Variants in DLG3 observed in about 807,000 individuals in gnomAD.
DLG3 encodes disks large homolog 3.
A neutral mutation model predicts 64.1 loss-of-function variants in DLG3; 1 was observed. The observed-to-expected ratio is 0.02, with a 90% CI of 0.01 to 0.07. DLG3 has a LOEUF of 0.07. Among genes scored for constraint, DLG3 ranks in the 10% least tolerant of loss-of-function variants. The pLI is 1.00. For synonymous variants in DLG3, 245 were observed against 259.8 expected, an observed-to-expected ratio of 0.94 and a Z score of 0.55; for missense variants, 429 against 669.5, an observed-to-expected ratio of 0.64 and a Z score of 3.96.
At position 70,499,980 on chromosome X, in the gene DLG3, C is replaced by T. The variant is rs535820581; in HGVS notation, c.2076C>T (p.Ile692=). ...MEKDIQDNKF[I]EAGQFNDNLY... is the part of the protein sequence containing the mutation. ...AAGATATTCAGGACAACAAGTTCAT[C>T]GAGGCGGGCCAATTTAATGATAACC... The change falls in exon 16 of 19, where the codon ATC becomes ATT. Residue 692 remains isoleucine, a synonymous_variant. Transcript: ENST00000374360. 6.1e-4 allele frequency: 742 copies of T among 1,208,863 alleles called. 8 individuals are homozygous for T. The South Asian group carries it at 0.012, about 20-fold the overall frequency.
chrX:70,494,468 T>A (rs1259677293), intron 12 of DLG3, among the ~76,000 whole-genome samples: 1 of 111,932 alleles, frequency 8.9e-6, no homozygotes, highest in Non-Finnish European at 1.9e-5. Flanking sequence ...AGTCATGGTA[T>A]GTGTAAGTCA....
At chrX:70,474,486 G>A (rs1323204869) in intron 9 of DLG3, among the ~76,000 whole-genome samples, 3 of 110,436 alleles carry the variant, frequency 2.7e-5, no homozygotes, top group Non-Finnish European at 5.7e-5. Context: ...AGGGGGTGTC[G>A]TTTACAGTAA....
chrX:70,494,500 G>C (rs891380372), intron 12 of DLG3, among the ~76,000 whole-genome samples: 1 of 111,960 alleles, frequency 8.9e-6, no homozygotes, highest in African/African-American at 3.3e-5. Context: ...GGTGGTACCT[G>C]GTGGACAGAA....
intron 9 of DLG3, among the ~76,000 whole-genome samples, chrX:70,476,514 T>C (rs934673754): frequency 8.9e-6 from 1 of 112,209 alleles, no homozygotes; most frequent in Non-Finnish European, 1.9e-5. Flanking sequence ...GATGAGGTAG[T>C]ATCTAAGTCT....
intron 10 of DLG3, among the ~76,000 whole-genome samples, chrX:70,481,441 A>G (rs982128641): frequency 1.8e-5 from 2 of 112,347 alleles, no homozygotes; most frequent in Admixed American, 9.4e-5. Flanking sequence ...AGGCTTAAAC[A>G]GAGGAAAATG....
At chrX:70,482,255 C>T (rs959451430) in intron 10 of DLG3, among the ~76,000 whole-genome samples, 3 of 112,311 alleles carry the variant, frequency 2.7e-5, no homozygotes, top group African/African-American at 9.7e-5. Context: ...CTGGGTATTG[C>T]AGAGGGGGTT....
At chrX:70,496,484 A>G (rs2087457323) in intron 13 of DLG3, among the ~76,000 whole-genome samples, 1 of 112,509 alleles carries the variant, frequency 8.9e-6, no homozygotes. Flanking sequence ...TTCCCTCACC[A>G]CTAAGAGATG....
chrX:70,487,077 C>T (rs761485114), intron 10 of DLG3, among the ~76,000 whole-genome samples: 3 of 112,159 alleles, frequency 2.7e-5, no homozygotes, highest in African/African-American at 6.5e-5. Context: ...TTTGGTTACA[C>T]GAAATATATC....
chrX:70,472,135 C>G (rs1395965671), intron 9 of DLG3, among the ~76,000 whole-genome samples: 5 of 112,163 alleles, frequency 4.5e-5, no homozygotes, highest in African/African-American at 1.6e-4. Flanking sequence ...CCAGTCTTTT[C>G]CAACTCTTTG....
rs773102254 is a variant in DLG3, at chrX:70,449,790, T to C, written c.634T>C (p.Leu212=). The C allele has an allele frequency of 9.1e-6, 11 of 1,204,472 alleles. No homozygotes were observed. The highest frequency in any genetic ancestry group is 3.0e-5 in the East Asian group (1 of 33,577). ...GAAGGAGGCAGGCCCTGTGGTGCGA[T>C]TGGTGGTGCGGAGGCGACAGCCTCC... The part of the protein sequence containing the change: ...ALKEAGPVVR[L]VVRRRQPPPE... The change falls in exon 4 of 19, where the codon TTG becomes CTG. Residue 212 remains leucine, a synonymous_variant. Transcript: ENST00000374360.
At position 70,493,304 on chromosome X, in the gene DLG3, A is replaced by G. The variant is rs1200739881; in HGVS notation, c.1773+708A>G. The G allele has an allele frequency of 9.2e-6, 9 of 980,670 alleles. No individual in the cohort carries two copies. The African/African-American group carries it at 1.8e-4, about 19-fold the overall frequency. 80.8% of individuals were successfully genotyped at this position (980,670 alleles called of 1,213,427 possible). A position where few individuals can be genotyped will look rare whatever the true frequency, so the allele number is the denominator to read the frequency against. On this transcript the variant is annotated intron_variant, in intron 12 of 18. Coordinates refer to ENST00000374360, the MANE Select transcript of DLG3 (RefSeq NM_021120.4). ...TTGTCTCCATTTTAGTTTTTCTTGCATGCTTTAAAATCCATTGTTCTGTTT... is the reference window on the plus strand; with the variant it reads ...TTGTCTCCATTTTAGTTTTTCTTGCGTGCTTTAAAATCCATTGTTCTGTTT...
chrX:70,465,688 A>C (rs1390230128), intron 9 of DLG3, among the ~76,000 whole-genome samples: 1 of 111,989 alleles, frequency 8.9e-6, no homozygotes, highest in East Asian at 2.8e-4. Flanking sequence ...TATTACATAT[A>C]TCATATAATA....
chrX:70,447,503 T>C, intron 1 of DLG3, among the ~76,000 whole-genome samples: 1 of 112,132 alleles, frequency 8.9e-6, no homozygotes, highest in African/African-American at 3.2e-5. Context: ...GGTGGAGGCA[T>C]GATGAGCTAG....
chrX:70,501,103 T>C (rs2087550319), intron 18 of DLG3, 114 bp downstream of exon 18: 2 of 622,382 alleles, frequency 3.2e-6, no homozygotes, highest in South Asian at 5.5e-5. Context: ...GAGTTTCCAG[T>C]TGCTTTTAAG....
chrX:70,501,091 C>T (rs2087549949), intron 18 of DLG3, 102 bp downstream of exon 18: 17 of 666,905 alleles, frequency 2.5e-5, no homozygotes, highest in South Asian at 7.8e-5. Context: ...AAACCTTGCA[C>T]GGAGTTTCCA....
chrX:70,476,988 G>A (rs747968393), intron 9 of DLG3, among the ~76,000 whole-genome samples: 162 of 113,036 alleles, frequency 1.4e-3, no homozygotes, highest in Non-Finnish European at 2.3e-3. Context: ...AAAACAAAAA[G>A]CGTATGCCTT....
Position 70,502,424 on chromosome X carries a change from C to CTT in DLG3, c.*167_*168dup, listed in dbSNP as rs1283289847. 63 of 345,111 alleles carry CTT rather than the reference C, an allele frequency of 1.8e-4. No individual in the cohort carries two copies. The highest frequency in any genetic ancestry group is 7.9e-4 in the Middle Eastern group (1 of 1,270). The allele number at this position is 345,111 out of a possible 1,213,427, so 28.4% of individuals were successfully genotyped here. ...AAAAATTAAGTTTTCTAGTCCTGTT[C>CTT]TTTTTTTTTTTTTAAGTTTTTGTTT... On this transcript the variant is annotated 3_prime_UTR_variant, in exon 19 of 19. Coordinates refer to ENST00000374360, the MANE Select transcript of DLG3 (RefSeq NM_021120.4).
At position 70,479,032 on chromosome X, in the gene DLG3, C is replaced by T. The variant is rs1169659537; in HGVS notation, c.1406-118C>T. On this transcript the variant is annotated intron_variant, in intron 9 of 18. Coordinates refer to ENST00000374360, the MANE Select transcript of DLG3 (RefSeq NM_021120.4). The stretch of plus-strand genomic sequence containing the variant: ...CTTATCAAAGCAAAGACTGAGTGGG[C>T]TGGCTCTGGCTGCTTTTAAGCCAAG... The T allele has an allele frequency of 4.0e-5, 24 of 604,622 alleles. No individual in the cohort carries two copies. In the East Asian group the frequency reaches 8.0e-4, roughly 20 times the overall value. The allele number at this position is 604,622 out of a possible 1,213,427, so 49.8% of individuals were successfully genotyped here.
At position 70,502,380 on chromosome X, in the gene DLG3, C is replaced by G. The variant is rs1022733713; in HGVS notation, c.*111C>G. 44 of 550,433 alleles carry G rather than the reference C, an allele frequency of 8.0e-5. No individual in the cohort carries two copies. Among genetic ancestry groups the G allele is most frequent in the Admixed American group, 1.7e-4 (5 of 29,159 alleles). The allele number at this position is 550,433 out of a possible 1,213,427, so 45.4% of individuals were successfully genotyped here. On this transcript the variant is annotated 3_prime_UTR_variant, in exon 19 of 19. Transcript: ENST00000374360. ...GAACAAATGCTACTGTTCTTGTCCC[C>G]TTTTTTAGATATGTCAAAAAAAATT...
Sources: allele counts gnomAD v4.1 joint callset (sites outside exome capture counted in the v4.1 genomes callset), GRCh38; gene constraint gnomAD v4.1.1; transcripts MANE v1.5; gene names NCBI Gene and HGNC (gene_info 2026-07-23, HGNC 2026-07-21).